TWSG1: variants seen among roughly 807,000 people sequenced by gnomAD.
TWSG1 encodes twisted gastrulation BMP signaling modulator 1.
Under a neutral mutation model 23.0 loss-of-function variants are expected in TWSG1, and 15 were observed. The ratio of observed to expected loss-of-function variants is 0.65; its 90% CI spans 0.44 to 1.00. The LOEUF (loss-of-function observed/expected upper bound fraction) is 1.00. Ranked by LOEUF, TWSG1 falls within the 50% of genes least tolerant of loss-of-function variation. TWSG1 has a pLI of 0.00. For missense variants in TWSG1, 242 were observed against 278.7 expected (o/e 0.87, Z 0.94); for synonymous variants, 86 against 92.8 (o/e 0.93, Z 0.42).
At chr18:9,379,005 TA>T (rs1350332244) in intron 3 of TWSG1, among the ~76,000 whole-genome samples, 3 of 152,178 alleles carry the variant, frequency 2.0e-5, no homozygotes, top group Non-Finnish European at 2.9e-5. Flanking sequence ...GCTATGATAT[TA>T]AAAAGTCAAA....
chr18:9,380,034 A>G (rs1242294575), intron 3 of TWSG1, among the ~76,000 whole-genome samples: 2 of 152,206 alleles, frequency 1.3e-5, no homozygotes, highest in African/African-American at 2.4e-5. Context: ...GGCATTCCCT[A>G]TATACTGTGT....
At chr18:9,399,177 A>G (rs763720334) in intron 4 of TWSG1, among the ~76,000 whole-genome samples, 169 bp from the exon 5 acceptor site, 2 of 152,232 alleles carry the variant, frequency 1.3e-5, no homozygotes, top group Non-Finnish European at 2.9e-5. Context: ...CCTTCTCAAC[A>G]TAATTAATAA....
intron 1 of TWSG1, among the ~76,000 whole-genome samples, chr18:9,336,983 A>G (rs1598818073): frequency 2.0e-5 from 3 of 152,168 alleles, no homozygotes; most frequent in Non-Finnish European, 4.4e-5. Flanking sequence ...CTGAGGTGGG[A>G]GGATCACTTG....
intron 2 of TWSG1, among the ~76,000 whole-genome samples, chr18:9,352,923 A>G (rs1053206849): frequency 1.3e-5 from 2 of 152,236 alleles, no homozygotes; most frequent in African/African-American, 2.4e-5. Context: ...TTGTATAGTC[A>G]TGGCACTGTG....
chr18:9,352,248 G>T (rs1036663101), intron 2 of TWSG1, among the ~76,000 whole-genome samples: 1 of 152,042 alleles, frequency 6.6e-6, no homozygotes, highest in Non-Finnish European at 1.5e-5. Context: ...CCATATTATT[G>T]TGTGTGTTGG....
At chr18:9,360,224 A>G (rs1248941834) in intron 3 of TWSG1, among the ~76,000 whole-genome samples, 153 bp downstream of exon 3, 2 of 152,222 alleles carry the variant, frequency 1.3e-5, no homozygotes, top group East Asian at 1.9e-4. Flanking sequence ...TTTACATTCA[A>G]TTGTATTCAG....
chr18:9,336,395 G>GAA (rs879273666), intron 1 of TWSG1, among the ~76,000 whole-genome samples: 4 of 113,988 alleles, frequency 3.5e-5, no homozygotes, highest in African/African-American at 1.3e-4. Context: ...ACGTCTAAAA[G>GAA]AAAAAAAAAA....
intron 2 of TWSG1, among the ~76,000 whole-genome samples, chr18:9,357,293 A>G (rs1461979807): frequency 1.3e-5 from 2 of 152,212 alleles, no homozygotes; most frequent in African/African-American, 2.4e-5. Flanking sequence ...CAATGTGCAT[A>G]TATTAGGTCA....
At chr18:9,347,727 A>G (rs1473445999) in intron 2 of TWSG1, among the ~76,000 whole-genome samples, 1 of 151,430 alleles carries the variant, frequency 6.6e-6, no homozygotes, top group Non-Finnish European at 1.5e-5. Flanking sequence ...TTACCTTTGG[A>G]CTCTTTCTAT....
intron 3 of TWSG1, among the ~76,000 whole-genome samples, chr18:9,362,786 G>A (rs2040558279): frequency 6.6e-6 from 1 of 152,058 alleles, no homozygotes; most frequent in Non-Finnish European, 1.5e-5. Flanking sequence ...GAAGCAACTG[G>A]TATGCTTCCA....
intron 2 of TWSG1, among the ~76,000 whole-genome samples, chr18:9,358,515 G>A (rs2040537456): frequency 6.6e-6 from 1 of 152,168 alleles, no homozygotes; most frequent in Non-Finnish European, 1.5e-5. Flanking sequence ...GCCAATCAGG[G>A]CAGACATTCC....
rs573745689 is a variant in TWSG1, at chr18:9,398,004, CAAAAAAAAAA to C, written c.491-1328_491-1319del. On this transcript the variant is annotated intron_variant, in intron 4 of 4. Coordinates refer to ENST00000262120, the MANE Select transcript of TWSG1 (RefSeq NM_020648.6). ...GGGCAACTAGAGCAAAACTCCATCT[CAAAAAAAAAA>C]AAAAAAAAAAAAACCAAGAAAACAA... Among the ~76,000 whole-genome samples the C allele has an allele frequency of 5.2e-3, 443 of 84,738 alleles. 3 individuals carry two copies. Among genetic ancestry groups the C allele is most frequent in the African/African-American group, 0.019 (421 of 22,438 alleles). The allele number at this position is 84,738 out of a possible 152,430, so 55.6% of individuals were successfully genotyped here.
At chr18:9,369,331 C>T (rs1446358906) in intron 3 of TWSG1, among the ~76,000 whole-genome samples, 6 of 151,908 alleles carry the variant, frequency 3.9e-5, no homozygotes, top group Admixed American at 2.6e-4. Flanking sequence ...TACAATGGCA[C>T]GATCTTGGCT....
intron 2 of TWSG1, 135 bp downstream of exon 2, chr18:9,337,487 C>T: frequency 1.1e-6 from 1 of 900,590 alleles, no homozygotes; most frequent in Middle Eastern, 3.6e-4. Flanking sequence ...GGTACTGAAT[C>T]ATGACACACA....
At chr18:9,346,025 CTT>C (rs1485557816) in intron 2 of TWSG1, among the ~76,000 whole-genome samples, 1 of 152,116 alleles carries the variant, frequency 6.6e-6, no homozygotes, top group African/African-American at 2.4e-5. Flanking sequence ...AGCATTAACT[CTT>C]TGTGTTTTAC....
Position 9,337,372 on chromosome 18 carries a change from T to C in TWSG1, c.123+20T>C. On this transcript the variant is annotated intron_variant, in intron 2 of 4. Transcript: ENST00000262120. ...ATTCAGGTAGGACTAAGAGTACTTT[T>C]ATTAATATCAAAATATATTGTAGAG... is the stretch of plus-strand genomic sequence containing the variant. 6.2e-7 allele frequency: 1 copy of C among 1,609,776 alleles called. No homozygotes were observed. Among genetic ancestry groups the C allele is most frequent in the Non-Finnish European group, 8.5e-7 (1 of 1,178,534 alleles).
intron 3 of TWSG1, among the ~76,000 whole-genome samples, chr18:9,368,641 C>G (rs1208120423): frequency 6.6e-6 from 1 of 151,772 alleles, no homozygotes; most frequent in Non-Finnish European, 1.5e-5. Flanking sequence ...AGTAAAACAC[C>G]ATCTCTATTA....
At chr18:9,364,670 T>G (rs2040569237) in intron 3 of TWSG1, among the ~76,000 whole-genome samples, 1 of 152,014 alleles carries the variant, frequency 6.6e-6, no homozygotes, top group Admixed American at 6.6e-5. Flanking sequence ...GGTAGGCACC[T>G]GTAATCCCAG....
At chr18:9,349,715 A>G (rs2040492969) in intron 2 of TWSG1, among the ~76,000 whole-genome samples, 2 of 152,130 alleles carry the variant, frequency 1.3e-5, no homozygotes, top group African/African-American at 2.4e-5. Context: ...GTCTCTTGCT[A>G]TAGTTATCTT....
Sources: allele counts gnomAD v4.1 joint callset (sites outside exome capture counted in the v4.1 genomes callset), GRCh38; gene constraint gnomAD v4.1.1; transcripts MANE v1.5; gene names NCBI Gene and HGNC (gene_info 2026-07-23, HGNC 2026-07-21).